The following ITIH1 variants were observed in gnomAD, a reference collection of about 807,000 sequenced individuals.
ITIH1 encodes inter-alpha-trypsin inhibitor heavy chain 1.
Under a neutral mutation model 104.6 loss-of-function variants are expected in ITIH1, and 94 were observed. That is an observed-to-expected ratio of 0.90 (90% CI 0.76 to 1.07). The LOEUF (loss-of-function observed/expected upper bound fraction) is 1.07, where lower values mean the gene tolerates loss of function less well. Ranked by LOEUF, ITIH1 falls within the 50% of genes least tolerant of loss-of-function variation. The pLI, the probability that ITIH1 is intolerant of heterozygous loss-of-function variation, is 0.00. For missense variants in ITIH1, 1,193 were observed against 1,181.4 expected, an observed-to-expected ratio of 1.01 and a Z score of -0.14; for synonymous variants, 455 against 464.4, an observed-to-expected ratio of 0.98 and a Z score of 0.26.
At position 52,782,133 on chromosome 3, in the gene ITIH1, C is replaced by T. The variant is rs773104472; in HGVS notation, c.814-18C>T. On this transcript the variant is annotated intron_variant, in intron 7 of 21. Transcript: ENST00000273283. ...GGGGTGCTGTGAGAGTGGCCTCACTCGTTCTCCTCTATTTCAGGTGGCCAA... is the reference window on the plus strand; with the variant it reads ...GGGGTGCTGTGAGAGTGGCCTCACTTGTTCTCCTCTATTTCAGGTGGCCAA... The T allele has an allele frequency of 8.7e-6, 14 of 1,614,050 alleles. No individual in the cohort carries two copies. In the Admixed American group the frequency reaches 1.5e-4, roughly 17 times the overall value.
chr3:52,791,842 C>T lies in ITIH1; in HGVS notation c.2667C>T (p.Phe889=), dbSNP rs1157051513. 6.2e-7 allele frequency: 1 copy of T among 1,614,192 alleles called. No homozygotes were observed. Among genetic ancestry groups the T allele is most frequent in the Admixed American group, 1.7e-5 (1 of 60,032 alleles). ...PWHGAEVSCW[F]IHNNGAGLID... ...ATGGGGCCGAGGTGTCCTGCTGGTTCATTCACAACAATGGGGCTGGACTCA... is the reference window on the plus strand; with the variant it reads ...ATGGGGCCGAGGTGTCCTGCTGGTTTATTCACAACAATGGGGCTGGACTCA... Residue 889 remains phenylalanine (F), a synonymous_variant, in exon 22 of 22, where the codon TTC becomes TTT. Transcript: ENST00000273283.
chr3:52,781,209 TTCTTCTTCTTCTTCTTCTTCTTCTTCTTC>T (rs1699034779), intron 6 of ITIH1, among the ~76,000 whole-genome samples: 4 of 14,346 alleles, frequency 2.8e-4, no homozygotes, highest in Non-Finnish European at 4.8e-4. Context: ...TTTTTTTTTT[TTCTTCTTCTTCTTCTTCTTCTTCTTCTTC>T]TTCTTCTTCT....
Position 52,788,346 on chromosome 3 carries a change from G to GT in ITIH1, c.2119+2dup. ...AGCCTGGTACAGGACCCCAACACAG[G>GT]TATGGCGGGCATCACACCTCTGCCA... On this transcript the variant is annotated splice_donor_variant, in intron 18 of 21. Coordinates refer to ENST00000273283, the MANE Select transcript of ITIH1 (RefSeq NM_002215.4). LOFTEE classifies it high-confidence loss of function. 1 of 1,574,914 alleles carries GT rather than the reference G, an allele frequency of 6.3e-7. No homozygotes were observed. Among genetic ancestry groups the GT allele is most frequent in the African/African-American group, 1.3e-5 (1 of 74,412 alleles).
At position 52,781,978 on chromosome 3, in the gene ITIH1, G is replaced by C. The variant is rs778128566; in HGVS notation, c.726G>C (p.Gln242His). ...TCCGTCCCACCGTGAGCCAGCAGCA[G>C]TCCTGCCCCACATGCTCTACATCCT... ...VLFRPTVSQQ[Q>H]SCPTCSTSLL... Residue 242 changes from glutamine (Q) to histidine (H), a missense_variant, in exon 7 of 22, where the codon CAG becomes CAC. Gln to His is a conservative substitution (Grantham distance 24). Transcript: ENST00000273283. The C allele has an allele frequency of 2.5e-6, 4 of 1,614,066 alleles. No homozygotes were observed. Among genetic ancestry groups the C allele is most frequent in the Admixed American group, 1.7e-5 (1 of 59,994 alleles).
chr3:52,777,818 C>T (rs2154108070), intron 1 of ITIH1, 86 bp downstream of exon 1: 1 of 1,362,070 alleles, frequency 7.3e-7, no homozygotes. Flanking sequence ...ATTCAAGGGG[C>T]CAGGGTCACC....
intron 20 of ITIH1, 107 bp from the exon 21 acceptor site, chr3:52,791,410 A>T: frequency 1.2e-6 from 1 of 810,640 alleles, no homozygotes; most frequent in Non-Finnish European, 2.0e-6. Flanking sequence ...AAGCCCTGGA[A>T]AAAAAGCGGT....
intron 18 of ITIH1, 31 bp from the exon 19 acceptor site, chr3:52,789,622 C>T (rs1192658453): frequency 6.2e-7 from 1 of 1,607,218 alleles, no homozygotes; most frequent in Non-Finnish European, 8.5e-7. Context: ...AGGCCCCTTC[C>T]CAACCCGGAT....
At chr3:52,790,558 C>G (rs1056905898) in intron 19 of ITIH1, 191 bp from the exon 20 acceptor site, 9 of 606,954 alleles carry the variant, frequency 1.5e-5, no homozygotes, top group Non-Finnish European at 2.3e-5. Flanking sequence ...TAGCACAGGA[C>G]CTGGCACATT....
chr3:52,787,765 C>A, intron 16 of ITIH1, 153 bp downstream of exon 16: 1 of 990,702 alleles, frequency 1.0e-6, no homozygotes, highest in Non-Finnish European at 1.6e-6. Flanking sequence ...AGCCTGAGGT[C>A]CCTGGGGGAG....
rs770234102 is a variant in ITIH1, at chr3:52,789,776, C to T, written c.2243C>T (p.Pro748Leu). ...PATDFQLEVT[P>L]QNITLNPGFG... ...ACGGACTTTCAGTTGGAAGTGACTCCTCAGAACATTACGCTGAACCCCGGC... is the reference window on the plus strand; with the variant it reads ...ACGGACTTTCAGTTGGAAGTGACTCTTCAGAACATTACGCTGAACCCCGGC... The change falls in exon 19 of 22, where the codon CCT becomes CTT. Residue 748 changes from proline to leucine, a missense_variant. By Grantham distance (98) the Pro-to-Leu change is moderately conservative. Coordinates refer to ENST00000273283, the MANE Select transcript of ITIH1 (RefSeq NM_002215.4). 2 of 1,614,244 alleles carry T rather than the reference C, an allele frequency of 1.2e-6. No homozygotes were observed. The highest frequency in any genetic ancestry group is 1.7e-6 in the Non-Finnish European group (2 of 1,180,050).
At chr3:52,784,239 G>T (rs183977178) in intron 10 of ITIH1, 57 bp from the exon 11 acceptor site, 10 of 1,469,876 alleles carry the variant, frequency 6.8e-6, no homozygotes, top group Non-Finnish European at 9.3e-6. Flanking sequence ...GAGCCCCCTC[G>T]TGCCCCACAT....
At chr3:52,780,707 C>G (rs1415430867) in intron 6 of ITIH1, among the ~76,000 whole-genome samples, 3 of 152,238 alleles carry the variant, frequency 2.0e-5, no homozygotes, top group African/African-American at 7.2e-5. Context: ...CATGGGAGAG[C>G]ATTCAGGGAA....
chr3:52,781,675 T>C (rs1699062851), intron 6 of ITIH1, among the ~76,000 whole-genome samples: 1 of 152,140 alleles, frequency 6.6e-6, no homozygotes, highest in Non-Finnish European at 1.5e-5. Flanking sequence ...ATTATTTTGT[T>C]ATTATTTATA....
At chr3:52,781,228 TC>T (rs1426988309) in intron 6 of ITIH1, among the ~76,000 whole-genome samples, 21 of 72,352 alleles carry the variant, frequency 2.9e-4, no homozygotes, top group African/African-American at 9.0e-4. Context: ...TTCTTCTTCT[TC>T]TTCTTCTTCT....
chr3:52,790,695 T>C (rs1699330063), intron 19 of ITIH1, 54 bp from the exon 20 acceptor site: 1 of 1,562,678 alleles, frequency 6.4e-7, no homozygotes. Context: ...GGCAGCTGAA[T>C]GGAGAGGGAT....
chr3:52,784,924 C>A, intron 11 of ITIH1, 120 bp from the exon 12 acceptor site: 1 of 984,290 alleles, frequency 1.0e-6, no homozygotes, highest in Non-Finnish European at 1.5e-6. Flanking sequence ...GCTACTTGAC[C>A]TCTCGGACCC....
At chr3:52,785,365 A>G (rs1473528208) in intron 12 of ITIH1, 136 bp downstream of exon 12, 1 of 812,506 alleles carries the variant, frequency 1.2e-6, no homozygotes, top group Middle Eastern at 3.7e-4. Flanking sequence ...ACCATGCCAC[A>G]TACACCCCAG....
intron 6 of ITIH1, among the ~76,000 whole-genome samples, chr3:52,781,309 TCTTCTC>T (rs1233541351): frequency 4.8e-5 from 6 of 125,382 alleles, no homozygotes; most frequent in South Asian, 2.4e-4. Flanking sequence ...TTCTGCTTCT[TCTTCTC>T]CTTCTCCTTC....
rs36051478 is a variant in ITIH1, at chr3:52,786,839, C to CGAATGAATGAATGAATGAAT, written c.1734-93_1734-74dup. The stretch of plus-strand genomic sequence containing the variant: ...CCATGGGGGCTTAATACTTATGTGT[C>CGAATGAATGAATGAATGAAT]GAATGAATGAATGAATGAATGAATG... On this transcript the variant is annotated intron_variant, in intron 13 of 21. Transcript: ENST00000273283. 1.0e-5 allele frequency: 12 copies of CGAATGAATGAATGAATGAAT among 1,174,752 alleles called. No homozygotes were observed. In the African/African-American group the frequency reaches 1.9e-4, roughly 18 times the overall value. The allele number at this position is 1,174,752 out of a possible 1,614,324, so 72.8% of individuals were successfully genotyped here.
Sources: gnomAD v4.1 joint callset for allele counts (sites outside exome capture counted in the v4.1 genomes callset) on GRCh38, gnomAD v4.1.1 for gene constraint, MANE v1.5 for transcripts, NCBI Gene and HGNC (gene_info 2026-07-23, HGNC 2026-07-21) for gene names.